The following WWOX variants were observed in gnomAD, a reference collection of about 807,000 sequenced individuals.
WWOX encodes WW domain containing oxidoreductase, also known as WW domain-containing oxidoreductase.
A neutral mutation model predicts 46.2 loss-of-function variants in WWOX; 69 were observed. The observed-to-expected ratio is 1.49, with a 90% CI of 1.23 to 1.82. WWOX has a LOEUF of 1.82. Ranked by LOEUF, WWOX falls within the 40% of genes most tolerant of loss-of-function variation. The pLI is 0.00. For missense variants in WWOX, 919 were observed against 542.6 expected (o/e 1.69, Z -6.89); for synonymous variants, 359 against 202.6 (o/e 1.77, Z -6.56).
At chr16:78,591,818 A>T (rs1419862118) in intron 8 of WWOX, among the ~76,000 whole-genome samples, 2 of 152,132 alleles carry the variant, frequency 1.3e-5, no homozygotes, top group Non-Finnish European at 2.9e-5. Flanking sequence ...CTGGTGACAA[A>T]ACTCAAAGAA....
At chr16:78,475,331 G>C (rs1417981721) in intron 8 of WWOX, among the ~76,000 whole-genome samples, 1 of 152,198 alleles carries the variant, frequency 6.6e-6, no homozygotes, top group Non-Finnish European at 1.5e-5. Context: ...TGTTCACCCA[G>C]ATTGGCTGCA....
At chr16:78,293,182 C>T (rs1218429754) in intron 5 of WWOX, among the ~76,000 whole-genome samples, 2 of 152,204 alleles carry the variant, frequency 1.3e-5, no homozygotes, top group Non-Finnish European at 2.9e-5. Context: ...AGGCAAGTGG[C>T]CACACCTCTT....
intron 8 of WWOX, among the ~76,000 whole-genome samples, chr16:79,022,011 A>T (rs2047543702): frequency 1.3e-5 from 2 of 152,216 alleles, no homozygotes; most frequent in Admixed American, 1.3e-4. Context: ...ATAGGGATTG[A>T]TATTGACCAG....
chr16:79,041,160 T>G (rs1395761996), intron 8 of WWOX, among the ~76,000 whole-genome samples: 7 of 152,190 alleles, frequency 4.6e-5, no homozygotes, highest in Non-Finnish European at 1.0e-4. Flanking sequence ...ATACAGATAT[T>G]GACCCCATGG....
intron 5 of WWOX, among the ~76,000 whole-genome samples, chr16:78,372,878 C>G (rs1012580877): frequency 6.6e-6 from 1 of 152,160 alleles, no homozygotes; most frequent in Non-Finnish European, 1.5e-5. Context: ...ACAGTAGCAG[C>G]TACTATGAGG....
At chr16:78,447,559 G>A (rs777306447) in intron 8 of WWOX, among the ~76,000 whole-genome samples, 6 of 152,150 alleles carry the variant, frequency 3.9e-5, no homozygotes, top group East Asian at 3.9e-4. Context: ...GTAAATATCC[G>A]CATACATGCA....
intron 8 of WWOX, among the ~76,000 whole-genome samples, chr16:78,473,889 G>A (rs145442149): frequency 1.3e-3 from 193 of 152,252 alleles, no homozygotes; most frequent in African/African-American, 4.5e-3. Context: ...CTTCTTCGCC[G>A]TTGTTACCGT....
chr16:78,459,828 G>A (rs1434991525), intron 8 of WWOX, among the ~76,000 whole-genome samples: 2 of 147,910 alleles, frequency 1.4e-5, no homozygotes, highest in East Asian at 3.9e-4. Context: ...TTGAGACAGG[G>A]TCTTAGTCTG....
intron 8 of WWOX, among the ~76,000 whole-genome samples, chr16:78,607,542 G>A (rs28409593): frequency 0.054 from 8,141 of 152,144 alleles, 728 homozygotes; most frequent in African/African-American, 0.18. Flanking sequence ...ACCAACCAAA[G>A]GGTCTTAGAG....
intron 8 of WWOX, among the ~76,000 whole-genome samples, chr16:79,069,946 A>T (rs371039487): frequency 1.3e-5 from 2 of 152,234 alleles, no homozygotes; most frequent in Non-Finnish European, 2.9e-5. Flanking sequence ...TTTGTGTCAC[A>T]TATTTAAGGA....
intron 8 of WWOX, among the ~76,000 whole-genome samples, chr16:78,753,435 C>T (rs1187301159): frequency 6.6e-6 from 1 of 152,128 alleles, no homozygotes; most frequent in African/African-American, 2.4e-5. Flanking sequence ...ACCCCTGTGT[C>T]TTAAGATACT....
intron 5 of WWOX, among the ~76,000 whole-genome samples, chr16:78,248,596 C>T (rs899702659): frequency 6.6e-6 from 1 of 152,050 alleles, no homozygotes; most frequent in East Asian, 2.0e-4. Flanking sequence ...TGTAGCCAGG[C>T]GTGGCGGCAC....
chr16:78,479,038 G>C (rs1039640913), intron 8 of WWOX, among the ~76,000 whole-genome samples: 4 of 152,100 alleles, frequency 2.6e-5, no homozygotes, highest in Admixed American at 1.3e-4. Context: ...CACCAATTTA[G>C]ATATCCAGGC....
At chr16:78,309,261 G>T (rs767260514) in intron 5 of WWOX, among the ~76,000 whole-genome samples, 8 of 152,140 alleles carry the variant, frequency 5.3e-5, no homozygotes, top group Middle Eastern at 3.2e-3. Flanking sequence ...ATAAGTGTTT[G>T]GTAGTTTCTC....
At chr16:79,146,963 T>C (rs550852944) in intron 8 of WWOX, among the ~76,000 whole-genome samples, 1 of 152,342 alleles carries the variant, frequency 6.6e-6, no homozygotes, top group East Asian at 1.9e-4. Flanking sequence ...TAAGAAATAA[T>C]ATACAATGAT....
intron 8 of WWOX, among the ~76,000 whole-genome samples, chr16:79,146,929 T>C (rs2050192694): frequency 6.6e-6 from 1 of 152,228 alleles, no homozygotes; most frequent in South Asian, 2.1e-4. Flanking sequence ...ATTGAAATTT[T>C]AATTGAAGAC....
At chr16:79,002,537 T>G (rs372923580) in intron 8 of WWOX, among the ~76,000 whole-genome samples, 51 of 152,294 alleles carry the variant, frequency 3.3e-4, no homozygotes, top group African/African-American at 9.9e-4. Context: ...CCTTTTTATT[T>G]TGCTAAACCT....
intron 8 of WWOX, among the ~76,000 whole-genome samples, chr16:78,894,612 A>G (rs1406868219): frequency 6.6e-6 from 1 of 152,120 alleles, no homozygotes; most frequent in African/African-American, 2.4e-5. Flanking sequence ...CAAATTGATT[A>G]ATGTGTCGAG....
Position 79,101,806 on chromosome 16 carries a change from C to G in WWOX, c.1057-109802C>G, listed in dbSNP as rs1187057305. Reference sequence around the variant, plus strand: ...ACATCTACTTTCCAGATAGTTTTTTCTAGAGGTAGGAGGTACATAAGAGAA... The same window carrying G: ...ACATCTACTTTCCAGATAGTTTTTTGTAGAGGTAGGAGGTACATAAGAGAA... On this transcript the variant is annotated intron_variant, in intron 8 of 8. Coordinates refer to ENST00000566780, the MANE Select transcript of WWOX (RefSeq NM_016373.4). The G allele has an allele frequency of 3.4e-5, 5 of 148,476 alleles. No homozygotes were observed. In the Admixed American group the frequency reaches 3.4e-4, roughly 10 times the overall value. 9.2% of individuals were successfully genotyped at this position (148,476 alleles called of 1,614,324 possible).
Sources: gnomAD v4.1 joint callset for allele counts (sites outside exome capture counted in the v4.1 genomes callset) on GRCh38, gnomAD v4.1.1 for gene constraint, MANE v1.5 for transcripts, NCBI Gene and HGNC (gene_info 2026-07-23, HGNC 2026-07-21) for gene names.